B3GAT1: variants seen among roughly 807,000 people sequenced by gnomAD.
B3GAT1 encodes the protein galactosylgalactosylxylosylprotein 3-beta-glucuronosyltransferase 1.
Under a neutral mutation model 28.4 loss-of-function variants are expected in B3GAT1, and 11 were observed. The observed-to-expected ratio is 0.39, with a 90% confidence interval of 0.24 to 0.64. B3GAT1 has a LOEUF of 0.64. B3GAT1 is among the 30% of genes least tolerant of loss of function. B3GAT1 has a pLI of 0.50. For missense variants in B3GAT1, 375 were observed against 491.0 expected (o/e 0.76, Z 2.23); for synonymous variants, 255 against 223.1 (o/e 1.14, Z -1.27).
chr11:134,389,108 T>A (rs1205504819), intron 1 of B3GAT1: 1 of 152,250 alleles, frequency 6.6e-6, no homozygotes, highest in Admixed American at 6.5e-5. Context: ...TGCAGCCTCA[T>A]CAGCATCTAA....
intron 1 of B3GAT1, among the ~76,000 whole-genome samples, chr11:134,402,073 C>T (rs1390077900): frequency 6.6e-6 from 1 of 152,108 alleles, no homozygotes; most frequent in Non-Finnish European, 1.5e-5. Context: ...CGTGCCCCTG[C>T]ACAGGTGGAC....
intron 4 of B3GAT1, 98 bp downstream of exon 4, chr11:134,382,611 CT>C: frequency 7.1e-7 from 1 of 1,412,714 alleles, no homozygotes; most frequent in Non-Finnish European, 9.6e-7. Flanking sequence ...AAAGCCCAGG[CT>C]ATTTTGAGGC....
At position 134,381,914 on chromosome 11, in the gene B3GAT1, A is replaced by G; in HGVS notation, c.*14+10T>C. ...GCCCAGTGTGTGGCCCACCCTCGTC[A>G]TGCCCATACCTGCATCCTGAGGCTC... On this transcript the variant is annotated intron_variant, in intron 5 of 5. Transcript: ENST00000312527. The G allele has an allele frequency of 6.2e-7, 1 of 1,610,874 alleles. No individual in the cohort carries two copies. The highest frequency in any genetic ancestry group is 8.5e-7 in the Non-Finnish European group (1 of 1,177,310).
In B3GAT1 at chr11:134,383,845, G is replaced by T. The variant is rs766234152; in HGVS notation, c.456C>A (p.Tyr152Ter). 1 of 1,595,792 alleles carries T rather than the reference G, an allele frequency of 6.3e-7. No individual in the cohort carries two copies. Among genetic ancestry groups the T allele is most frequent in the Non-Finnish European group, 8.5e-7 (1 of 1,173,888 alleles). Residue 152 changes from tyrosine (Y) to a stop codon, truncating the protein, a stop_gained, in exon 3 of 6, where the codon TAC (tyrosine) becomes TAA (stop). Transcript: ENST00000312527. LOFTEE classifies it high-confidence loss of function. ...THLHVETPRNYKLRGDARDPR... is the reference protein window; with the variant it reads ...THLHVETPRN ...GGTCGCGGGCGTCTCCGCGCAGCTT[G>T]TAGTTGCGGGGCGTCTCCACGTGCA... is the stretch of plus-strand genomic sequence containing the variant.
intron 1 of B3GAT1, among the ~76,000 whole-genome samples, chr11:134,400,821 G>A (rs1944599154): frequency 6.6e-6 from 1 of 152,120 alleles, no homozygotes; most frequent in Admixed American, 6.5e-5. Flanking sequence ...TCTTAACAGA[G>A]TGAACGGACA....
chr11:134,382,982 C>T lies in B3GAT1; in HGVS notation c.646G>A (p.Val216Met), dbSNP rs541357496. 6.3e-6 allele frequency: 10 copies of T among 1,582,266 alleles called. No individual in the cohort carries two copies. The highest frequency in any genetic ancestry group is 5.3e-5 in the Admixed American group (3 of 56,130). The change falls in exon 4 of 6, where the codon GTG becomes ATG. Residue 216 changes from valine to methionine, a missense_variant. Transcript: ENST00000312527. ...CCACCCACGAAGGCGACGGGCCACA[C>T]GGACACCCTCCTGGTGCTGCGCATC... is the stretch of plus-strand genomic sequence containing the variant. Reference protein sequence around the residue: ...EEMRSTRRVSVWPVAFVGGLR... With the variant: ...EEMRSTRRVSMWPVAFVGGLR...
At chr11:134,404,046 T>A (rs1306440516) in intron 1 of B3GAT1, among the ~76,000 whole-genome samples, 2 of 136,108 alleles carry the variant, frequency 1.5e-5, no homozygotes, top group African/African-American at 5.6e-5. Flanking sequence ...ATACGTTAAG[T>A]TCTAGGGTAC....
At position 134,382,700 on chromosome 11, in the gene B3GAT1, A is replaced by C. The variant is rs1944162686; in HGVS notation, c.918+10T>G. 6.2e-7 allele frequency: 1 copy of C among 1,607,766 alleles called. No individual in the cohort carries two copies. Among genetic ancestry groups the C allele is most frequent in the Non-Finnish European group, 8.5e-7 (1 of 1,175,210 alleles). ...TGCATCACAGCTGTCAGTTCTGCGG[A>C]GGGTCTCACCTTGGTGCAGTTGGCT... On this transcript the variant is annotated intron_variant, in intron 4 of 5. Transcript: ENST00000312527.
At position 134,411,108 on chromosome 11, in the gene B3GAT1, A is replaced by C. The variant is rs117922338; in HGVS notation, c.-282+699T>G. ...GGGGCTGTCACCTCCTTACCCTGGC[A>C]CTGTCGGACCTGGTGGCTTCCTTCT... On this transcript the variant is annotated intron_variant, in intron 1 of 5. Transcript: ENST00000312527. This position sits in a 1 kb window ranked among gnomAD's most constrained non-coding sequence, Gnocchi z 6.0. Among the ~76,000 whole-genome samples, 142 of 152,266 alleles carry C rather than the reference A, an allele frequency of 9.3e-4. No homozygotes were observed. In the East Asian group the frequency reaches 0.027, roughly 29 times the overall value.
intron 1 of B3GAT1, among the ~76,000 whole-genome samples, chr11:134,404,932 G>A (rs1273368444): frequency 1.3e-5 from 2 of 152,180 alleles, no homozygotes; most frequent in African/African-American, 2.4e-5. Flanking sequence ...GAGCTGGGCC[G>A]GGCCTGTGTC....
At chr11:134,384,543 A>C in intron 2 of B3GAT1, 4 of 280,314 alleles carry the variant, frequency 1.4e-5, no homozygotes, top group South Asian at 9.0e-5. Context: ...AGCCCTACTC[A>C]TCTGGAGGGA....
chr11:134,398,002 C>G (rs1944537345), intron 1 of B3GAT1, among the ~76,000 whole-genome samples: 1 of 152,234 alleles, frequency 6.6e-6, no homozygotes, highest in African/African-American at 2.4e-5. Flanking sequence ...TGCTCCCTGC[C>G]TGCTCCCTGT....
Position 134,384,081 on chromosome 11 carries a change from T to C in B3GAT1, c.220A>G (p.Thr74Ala), listed in dbSNP as rs1162209725. The C allele has an allele frequency of 1.5e-5, 24 of 1,601,722 alleles. No homozygotes were observed. The highest frequency in any genetic ancestry group is 1.8e-5 in the Non-Finnish European group (21 of 1,177,584). ...GTGTCGGACCATGGCGGGGGCCGCG[T>C]GTACACGTACTCGGTGCGCACCACC... is the stretch of plus-strand genomic sequence containing the variant. Reference protein sequence around the residue: ...VEVVRTEYVYTRPPPWSDTLP... With the variant: ...VEVVRTEYVYARPPPWSDTLP... Residue 74 changes from threonine (T) to alanine (A), a missense_variant, in exon 3 of 6, where the codon ACG becomes GCG. Physicochemically the swap from Thr to Ala is moderately conservative, Grantham distance 58. Coordinates refer to ENST00000312527, the MANE Select transcript of B3GAT1 (RefSeq NM_054025.3).
At chr11:134,382,678 A>G in intron 4 of B3GAT1, 32 bp downstream of exon 4, 1 of 1,596,134 alleles carries the variant, frequency 6.3e-7, no homozygotes, top group African/African-American at 1.3e-5. Flanking sequence ...GAGACATTGC[A>G]TCACAGCTGT....
Position 134,411,725 on chromosome 11 carries a change from G to C in B3GAT1, c.-282+82C>G, listed in dbSNP as rs931002410. ...ACACACCCCAGCGCGCGCCCGGGAGGACATGGCGTGGGCACCGATGGGGAC... is the reference window on the plus strand; with the variant it reads ...ACACACCCCAGCGCGCGCCCGGGAGCACATGGCGTGGGCACCGATGGGGAC... On this transcript the variant is annotated intron_variant, in intron 1 of 5. Transcript: ENST00000312527. This position sits in a 1 kb window ranked among gnomAD's most constrained non-coding sequence, Gnocchi z 6.0. 6.6e-6 allele frequency: 1 copy of C among 152,534 alleles called. No homozygotes were observed. Among genetic ancestry groups the C allele is most frequent in the South Asian group, 2.1e-4 (1 of 4,822 alleles). The allele number at this position is 152,534 out of a possible 1,614,324, so 9.4% of individuals were successfully genotyped here.
chr11:134,393,718 T>G lies in B3GAT1; in HGVS notation c.-281-5778A>C, dbSNP rs1461036683. Among the ~76,000 whole-genome samples, 1 of 152,158 alleles carries G rather than the reference T, an allele frequency of 6.6e-6. No homozygotes were observed. The highest frequency in any genetic ancestry group is 1.5e-5 in the Non-Finnish European group (1 of 68,032). On this transcript the variant is annotated intron_variant, in intron 1 of 5. Transcript: ENST00000312527. The surrounding 1 kb of genome is among the most constrained non-coding windows in gnomAD (Gnocchi z 4.0). ...CAGGCTGGGAACCGGCGTCACTGAC[T>G]CTTGAGGGCGTGGGCTCAGTGGTGA... is the stretch of plus-strand genomic sequence containing the variant.
chr11:134,388,889 C>T (rs1416597324), intron 1 of B3GAT1: 1 of 152,226 alleles, frequency 6.6e-6, no homozygotes, highest in African/African-American at 2.4e-5. Flanking sequence ...CATGCCTTTG[C>T]TATTGGGAAT....
At chr11:134,387,184 C>T (rs78488408) in intron 2 of B3GAT1, 2 of 236,354 alleles carry the variant, frequency 8.5e-6, no homozygotes, top group Non-Finnish European at 1.7e-5. Flanking sequence ...CAAAACCACA[C>T]TAAAGACTCC....
In B3GAT1 at chr11:134,382,850, C is replaced by T. The variant is rs1356410842; in HGVS notation, c.778G>A (p.Val260Ile). ...CGCTGCAGAATGAGCCGCAGGTTGA[C>T]GGCAAATCCAGCCATGTCTATTGCA... ...PFAIDMAGFA[V>I]NLRLILQRSQ... The change falls in exon 4 of 6, where the codon GTC becomes ATC. Residue 260 changes from valine (V) to isoleucine (I), a missense_variant. Coordinates refer to ENST00000312527, the MANE Select transcript of B3GAT1 (RefSeq NM_054025.3). 5 of 1,614,072 alleles carry T rather than the reference C, an allele frequency of 3.1e-6. No individual in the cohort carries two copies. The highest frequency in any genetic ancestry group is 1.3e-5 in the African/African-American group (1 of 74,930).
Sources: gnomAD v4.1 joint callset for allele counts (sites outside exome capture counted in the v4.1 genomes callset) on GRCh38, gnomAD v4.1.1 for gene constraint, Gnocchi (gnomAD v3.1) non-coding constraint, MANE v1.5 for transcripts, NCBI Gene and HGNC (gene_info 2026-07-23, HGNC 2026-07-21) for gene names.